CPD: variants seen among roughly 807,000 people sequenced by gnomAD.
CPD encodes the protein metallocarboxypeptidase D.
A neutral mutation model predicts 138.3 loss-of-function variants in CPD; 69 were observed. That is an observed-to-expected ratio of 0.50 (90% confidence interval 0.41 to 0.61). The LOEUF (loss-of-function observed/expected upper bound fraction) is 0.61. Ranked by LOEUF, CPD falls within the 20% of genes least tolerant of loss-of-function variation. The probability of loss-of-function intolerance (pLI) is 0.00; values close to 1 mark genes in which losing one functional copy is unlikely to be tolerated. For synonymous variants in CPD, 651 were observed against 642.1 expected (o/e 1.01, Z -0.21); for missense variants, 1,432 against 1,733.3 (o/e 0.83, Z 3.09).
intron 11 of CPD, among the ~76,000 whole-genome samples, chr17:30,445,196 G>A (rs1034204019): frequency 6.6e-6 from 1 of 152,160 alleles, no homozygotes; most frequent in Non-Finnish European, 1.5e-5. Context: ...CAGGTGCGGT[G>A]GCTCAGGTCT....
chr17:30,446,025 G>C lies in CPD; in HGVS notation c.2873+5G>C. ...ACATATTACAAATCTTACCAAGTAA[G>C]TGTCACTTTCTATTGTCTTTTTTTT... On this transcript the variant is annotated splice_donor_5th_base_variant and intron_variant, in intron 12 of 20. Transcript: ENST00000225719. The C allele has an allele frequency of 6.7e-7, 1 of 1,495,922 alleles. No homozygotes were observed. The highest frequency in any genetic ancestry group is 9.0e-7 in the Non-Finnish European group (1 of 1,105,002). 92.7% of individuals were successfully genotyped at this position (1,495,922 alleles called of 1,614,324 possible). A position where few individuals can be genotyped will look rare whatever the true frequency, so the allele number is the denominator to read the frequency against.
At chr17:30,411,476 C>G (rs1450679334) in intron 2 of CPD, among the ~76,000 whole-genome samples, 1 of 152,138 alleles carries the variant, frequency 6.6e-6, no homozygotes, top group Non-Finnish European at 1.5e-5. Flanking sequence ...TCCATTCTCC[C>G]CGTCACTTTC....
At chr17:30,398,214 A>G (rs2042207754) in intron 2 of CPD, among the ~76,000 whole-genome samples, 1 of 135,126 alleles carries the variant, frequency 7.4e-6, no homozygotes, top group Non-Finnish European at 1.6e-5. Context: ...GTAGAATAGA[A>G]CAGAATAATA....
chr17:30,435,155 A>T (rs1056706646), intron 8 of CPD, among the ~76,000 whole-genome samples: 22 of 152,176 alleles, frequency 1.4e-4, no homozygotes, highest in Non-Finnish European at 8.8e-5. Flanking sequence ...AATAAAGTTT[A>T]TAGGACTCAG....
intron 6 of CPD, 125 bp downstream of exon 6, chr17:30,423,822 T>C (rs971550664): frequency 1.4e-6 from 1 of 703,862 alleles, no homozygotes; most frequent in Non-Finnish European, 2.2e-6. Context: ...TAATTTATGA[T>C]TGATTTTAGC....
intron 2 of CPD, among the ~76,000 whole-genome samples, chr17:30,386,517 A>G (rs190291050): frequency 4.0e-5 from 6 of 149,358 alleles, no homozygotes; most frequent in Middle Eastern, 7.0e-3. Flanking sequence ...AATTTTCACA[A>G]TGTTGTGCAA....
chr17:30,389,152 T>TG (rs1165901662), intron 2 of CPD, among the ~76,000 whole-genome samples: 2 of 152,106 alleles, frequency 1.3e-5, no homozygotes, highest in Non-Finnish European at 2.9e-5. Flanking sequence ...CAGCGGGCTC[T>TG]GGGGGGTGGC....
chr17:30,451,776 A>G lies in CPD; in HGVS notation c.3135A>G (p.Gln1045=), dbSNP rs759848367. The change falls in exon 14 of 21, where the codon CAA becomes CAG. Residue 1045 remains glutamine, a synonymous_variant. Transcript: ENST00000225719. ...SLNPDGRERA[Q]EKDCTSKIGQ... The stretch of plus-strand genomic sequence containing the variant: ...ATCCAGATGGGCGAGAGAGAGCTCA[A>G]GAGAAAGACTGTACTTCAAAAATAG... The G allele has an allele frequency of 6.2e-7, 1 of 1,614,076 alleles. No individual in the cohort carries two copies. Among genetic ancestry groups the G allele is most frequent in the South Asian group, 1.1e-5 (1 of 91,066 alleles).
Position 30,394,116 on chromosome 17 carries a change from CTTTTTTTTTTTTT to C in CPD, c.994+8897_994+8909del, listed in dbSNP as rs35779169. Among the ~76,000 whole-genome samples the C allele has an allele frequency of 2.4e-3, 98 of 40,866 alleles. 1 individual carries two copies. Among genetic ancestry groups the C allele is most frequent in the African/African-American group, 8.0e-3 (75 of 9,370 alleles). The allele number at this position is 40,866 out of a possible 152,430, so 26.8% of individuals were successfully genotyped here. On this transcript the variant is annotated intron_variant, in intron 2 of 20. Coordinates refer to ENST00000225719, the MANE Select transcript of CPD (RefSeq NM_001304.5). Reference sequence around the variant, plus strand: ...TATGATTGCACCACTGCACTCCAGCCTTTTTTTTTTTTTTTTTTTTTTTTTTTTTGACAGGGGA... The same window carrying C: ...TATGATTGCACCACTGCACTCCAGCCTTTTTTTTTTTTTTTTGACAGGGGA...
At chr17:30,455,757 A>T (rs1913276881) in intron 15 of CPD, 1 of 306,646 alleles carries the variant, frequency 3.3e-6, no homozygotes, top group Non-Finnish European at 6.0e-6. Context: ...TGAGAATATA[A>T]AAGTGAGTAT....
intron 17 of CPD, among the ~76,000 whole-genome samples, chr17:30,457,252 T>C (rs1340384239): frequency 6.6e-6 from 1 of 152,216 alleles, no homozygotes; most frequent in African/African-American, 2.4e-5. Context: ...CTTAGCAAAA[T>C]GTTTTTAGGA....
intron 12 of CPD, among the ~76,000 whole-genome samples, chr17:30,447,336 G>A (rs956062616): frequency 3.3e-5 from 5 of 152,010 alleles, no homozygotes; most frequent in African/African-American, 4.8e-5. Context: ...TTAATCCATC[G>A]TGAATTAATT....
intron 14 of CPD, among the ~76,000 whole-genome samples, chr17:30,452,967 A>C (rs1292218967): frequency 2.6e-5 from 4 of 151,976 alleles, no homozygotes; most frequent in Non-Finnish European, 5.9e-5. Flanking sequence ...TATCACAAGA[A>C]TAATACGGGA....
chr17:30,422,669 T>C lies in CPD; in HGVS notation c.1308-5T>C. The C allele has an allele frequency of 6.4e-7, 1 of 1,574,070 alleles. No homozygotes were observed. ...ACCATTTACTTTTTCAAATTTTTTTTTCAGGTATATGCCATTGACTGTTAC... is the reference window on the plus strand; with the variant it reads ...ACCATTTACTTTTTCAAATTTTTTTCTCAGGTATATGCCATTGACTGTTAC... On this transcript the variant is annotated splice_region_variant and splice_polypyrimidine_tract_variant and intron_variant, in intron 4 of 20. Transcript: ENST00000225719.
In CPD at chr17:30,380,214, T is replaced by C. The variant is rs147998152; in HGVS notation, c.746+488T>C. 3.5e-4 allele frequency: 59 copies of C among 167,606 alleles called. 1 individual carries two copies. The highest frequency in any genetic ancestry group is 1.3e-3 in the African/African-American group (55 of 42,234). The allele number at this position is 167,606 out of a possible 1,614,324, so 10.4% of individuals were successfully genotyped here. On this transcript the variant is annotated intron_variant, in intron 1 of 20. Transcript: ENST00000225719. ...GCATACGGGGAAATTGAGGGTCAGA[T>C]TGGTTAACTGATTTACATAGGAGTG...
chr17:30,398,026 A>G (rs984876560), intron 2 of CPD, among the ~76,000 whole-genome samples: 1 of 151,642 alleles, frequency 6.6e-6, no homozygotes, highest in Non-Finnish European at 1.5e-5. Context: ...AAAAAAAAAA[A>G]AGAGAAAAAT....
At chr17:30,393,340 G>GCATAA (rs1911408081) in intron 2 of CPD, among the ~76,000 whole-genome samples, 1 of 152,210 alleles carries the variant, frequency 6.6e-6, no homozygotes, top group East Asian at 1.9e-4. Flanking sequence ...CAACAATGCT[G>GCATAA]TTGAAAGTTT....
rs770768085 is a variant in CPD at position 30,457,669 on chromosome 17, T to G, written c.3498+1143T>G. Among the ~76,000 whole-genome samples the G allele has an allele frequency of 2.2e-4, 34 of 152,188 alleles. 1 individual carries two copies. Among genetic ancestry groups the G allele is most frequent in the Non-Finnish European group, 3.8e-4 (26 of 67,996 alleles). ...CTCACCAACACTTATTTGCTGGTTT[T>G]TTTTTTTTTAAACAGAGTCTCACTT... On this transcript the variant is annotated intron_variant, in intron 17 of 20. Coordinates refer to ENST00000225719, the MANE Select transcript of CPD (RefSeq NM_001304.5).
At chr17:30,446,892 A>G (rs1298638171) in intron 12 of CPD, among the ~76,000 whole-genome samples, 2 of 152,136 alleles carry the variant, frequency 1.3e-5, no homozygotes, top group African/African-American at 4.8e-5. Flanking sequence ...ATGGTATCTC[A>G]CTGTGGTTTT....
Sources: allele counts gnomAD v4.1 joint callset (sites outside exome capture counted in the v4.1 genomes callset), GRCh38; gene constraint gnomAD v4.1.1; transcripts MANE v1.5; gene names NCBI Gene and HGNC (gene_info 2026-07-23, HGNC 2026-07-21).